The following CRB1 variants were observed in gnomAD, a reference collection of about 807,000 sequenced individuals.
CRB1 encodes the protein protein crumbs homolog 1.
Under a neutral mutation model 120.0 loss-of-function variants are expected in CRB1, and 83 were observed. The observed-to-expected ratio is 0.69, with a 90% CI of 0.58 to 0.83. CRB1 has a LOEUF of 0.83. Ranked by LOEUF, CRB1 falls within the 40% of genes least tolerant of loss-of-function variation. CRB1 has a pLI of 0.00. For missense variants in CRB1, 1,699 were observed against 1,687.6 expected (o/e 1.01, Z -0.12); for synonymous variants, 625 against 612.5 (o/e 1.02, Z -0.30).
intron 7 of CRB1, 103 bp downstream of exon 7, chr1:197,428,104 T>C: frequency 1.0e-6 from 1 of 997,412 alleles, no homozygotes; most frequent in Non-Finnish European, 1.5e-6. Context: ...AAGATGATGT[T>C]ACTGACCCAC....
At chr1:197,308,610 A>T (rs1431900964) in intron 1 of CRB1, among the ~76,000 whole-genome samples, 2 of 152,120 alleles carry the variant, frequency 1.3e-5, no homozygotes, top group Admixed American at 6.5e-5. Context: ...TTTTACTATA[A>T]TGATGGTGAT....
chr1:197,246,187 A>T, the CRB1 span, among the ~76,000 whole-genome samples: 1 of 151,992 alleles, frequency 6.6e-6, no homozygotes, highest in South Asian at 2.1e-4. Flanking sequence ...AACTTGTTAG[A>T]GGCTGGTGAG....
chr1:197,222,341 C>T, the CRB1 span: 4 of 739,802 alleles, frequency 5.4e-6, no homozygotes, highest in East Asian at 2.6e-5. Flanking sequence ...GAATCCCAGA[C>T]GTGGCTGCAT....
At chr1:197,210,216 A>G in the CRB1 span, among the ~76,000 whole-genome samples, 1 of 152,206 alleles carries the variant, frequency 6.6e-6, no homozygotes, top group East Asian at 1.9e-4. Flanking sequence ...TTATTTGTCA[A>G]CTTGGCTAGG....
chr1:197,395,001 T>C (rs1662701670), intron 5 of CRB1, among the ~76,000 whole-genome samples: 1 of 152,162 alleles, frequency 6.6e-6, no homozygotes, highest in Non-Finnish European at 1.5e-5. Context: ...GCATCGTTTG[T>C]ACCATATGGT....
the CRB1 span, among the ~76,000 whole-genome samples, chr1:197,260,147 C>T: frequency 1.1e-4 from 16 of 148,704 alleles, no homozygotes; most frequent in East Asian, 3.2e-3. Context: ...AGAGTGAGAC[C>T]CTAAAAAAAG....
intron 11 of CRB1, chr1:197,477,413 G>A: frequency 1.9e-6 from 1 of 539,942 alleles, no homozygotes; most frequent in South Asian, 1.8e-5. Context: ...GAGATTAAGA[G>A]ACTGAGCAAA....
rs182273616 is a variant in CRB1, at chr1:197,429,165, T to C, written c.2677-284T>C. ...GCATGTGAAAAAGTGCCTGGTAATT[T>C]GTAAATTACAGAGGACACTGCTATA... On this transcript the variant is annotated intron_variant, in intron 7 of 11. Coordinates refer to ENST00000367400, the MANE Select transcript of CRB1 (RefSeq NM_201253.3). The C allele has an allele frequency of 6.3e-5, 97 of 1,530,424 alleles. 1 individual carries two copies. In the African/African-American group the frequency reaches 1.2e-3, roughly 18 times the overall value. The allele number at this position is 1,530,424 out of a possible 1,614,324, so 94.8% of individuals were successfully genotyped here.
At chr1:197,453,284 T>A (rs1287249476) in intron 11 of CRB1, among the ~76,000 whole-genome samples, 1 of 139,524 alleles carries the variant, frequency 7.2e-6, no homozygotes, top group Non-Finnish European at 1.5e-5. Context: ...TATATATATA[T>A]AATTAAATTA....
the CRB1 span, among the ~76,000 whole-genome samples, chr1:197,206,412 C>T: frequency 6.6e-6 from 1 of 152,152 alleles, no homozygotes; most frequent in African/African-American, 2.4e-5. Flanking sequence ...TTCCTTTTAG[C>T]ACTGCTTTTG....
chr1:197,345,852 T>A (rs1201753394), intron 3 of CRB1, among the ~76,000 whole-genome samples: 1 of 152,156 alleles, frequency 6.6e-6, no homozygotes, highest in East Asian at 1.9e-4. Flanking sequence ...CTTTTTAAAA[T>A]ATAACTTTTA....
At chr1:197,222,846 T>G in the CRB1 span, 11 of 1,512,820 alleles carry the variant, frequency 7.3e-6, no homozygotes, top group Non-Finnish European at 1.0e-5. Flanking sequence ...TGATTTATAT[T>G]CACTGGAGCT....
At chr1:197,383,605 G>C (rs1168581734) in intron 5 of CRB1, among the ~76,000 whole-genome samples, 1 of 152,166 alleles carries the variant, frequency 6.6e-6, no homozygotes, top group African/African-American at 2.4e-5. Context: ...TTGACAACCT[G>C]ATATGCAGCT....
chr1:197,399,011 G>T (rs1053548238), intron 5 of CRB1, among the ~76,000 whole-genome samples: 1 of 151,274 alleles, frequency 6.6e-6, no homozygotes, highest in South Asian at 2.1e-4. Context: ...AGTAAAGAAG[G>T]ATTCAAGTCT....
chr1:197,285,522 A>G (rs1175603763), intron 1 of CRB1, among the ~76,000 whole-genome samples: 1 of 151,886 alleles, frequency 6.6e-6, no homozygotes, highest in Non-Finnish European at 1.5e-5. Flanking sequence ...GTTCGATTTT[A>G]TTACTTTTAT....
chr1:197,228,588 T>C, the CRB1 span, among the ~76,000 whole-genome samples: 3 of 152,174 alleles, frequency 2.0e-5, no homozygotes, highest in Admixed American at 1.3e-4. Flanking sequence ...ATTCAACAAG[T>C]CTCTGGGAAG....
At position 197,311,698 on chromosome 1, in the gene CRB1, AGTGTGTGTGTGTGTGTGT is replaced by A. The variant is rs57455433; in HGVS notation, c.71-16693_71-16676del. On this transcript the variant is annotated intron_variant, in intron 1 of 11. Coordinates refer to ENST00000367400, the MANE Select transcript of CRB1 (RefSeq NM_201253.3). ...AACACATGCATCACCTCATATAGTT[AGTGTGTGTGTGTGTGTGT>A]GTGTGTGTGTGTGTGTGTGTGTGTG... is the stretch of plus-strand genomic sequence containing the variant. Among the ~76,000 whole-genome samples, 36 of 138,982 alleles carry A rather than the reference AGTGTGTGTGTGTGTGTGT, an allele frequency of 2.6e-4. No homozygotes were observed. The South Asian group carries it at 4.8e-3, about 18-fold the overall frequency. 91.2% of individuals were successfully genotyped at this position (138,982 alleles called of 152,430 possible).
chr1:197,418,800 T>C (rs1054928134), intron 5 of CRB1, among the ~76,000 whole-genome samples: 1 of 152,184 alleles, frequency 6.6e-6, no homozygotes, highest in Non-Finnish European at 1.5e-5. Flanking sequence ...TAGACATATA[T>C]TGGTGAATAA....
At chr1:197,204,601 TC>T in the CRB1 span, among the ~76,000 whole-genome samples, 1 of 152,218 alleles carries the variant, frequency 6.6e-6, no homozygotes, top group African/African-American at 2.4e-5. Context: ...TCTATTCATG[TC>T]TGTAGCCCAC....
Sources: allele counts gnomAD v4.1 joint callset (sites outside exome capture counted in the v4.1 genomes callset), GRCh38; gene constraint gnomAD v4.1.1; transcripts MANE v1.5; gene names NCBI Gene and HGNC (gene_info 2026-07-23, HGNC 2026-07-21).